The following CCDC38 variants were observed in gnomAD, a reference collection of about 807,000 sequenced individuals.
CCDC38 encodes coiled-coil domain containing 38.
In CCDC38, 69 loss-of-function variants were observed where a neutral mutation model predicts 72.8. That is an observed-to-expected ratio of 0.95 (90% confidence interval 0.78 to 1.16). The LOEUF (loss-of-function observed/expected upper bound fraction) is 1.16, where lower values mean the gene tolerates loss of function less well. Among genes scored for constraint, CCDC38 ranks in the 50% most tolerant of loss-of-function variants. The pLI is 0.00. For missense variants in CCDC38, 626 were observed against 638.9 expected, an observed-to-expected ratio of 0.98 and a Z score of 0.22; for synonymous variants, 201 against 213.2, an observed-to-expected ratio of 0.94 and a Z score of 0.50.
At chr12:95,869,298 T>C (rs752851992) in intron 15 of CCDC38, among the ~76,000 whole-genome samples, 182 bp downstream of exon 15, 2 of 152,156 alleles carry the variant, frequency 1.3e-5, no homozygotes, top group African/African-American at 2.4e-5. Flanking sequence ...AATTGAGAAC[T>C]GGAGAGCCAC....
At chr12:95,894,100 T>A (rs1407452767) in intron 8 of CCDC38, among the ~76,000 whole-genome samples, 1 of 152,084 alleles carries the variant, frequency 6.6e-6, no homozygotes. Flanking sequence ...GTGGCTGTAG[T>A]CCCAGCTACT....
At chr12:95,884,148 G>A (rs564548769) in intron 10 of CCDC38, among the ~76,000 whole-genome samples, 11 of 152,284 alleles carry the variant, frequency 7.2e-5, no homozygotes, top group African/African-American at 2.2e-4. Context: ...TAAAGCTGTC[G>A]CTATGTGCAA....
At chr12:95,906,643 A>G (rs2080004856) in intron 4 of CCDC38, among the ~76,000 whole-genome samples, 192 bp from the exon 5 acceptor site, 3 of 152,152 alleles carry the variant, frequency 2.0e-5, no homozygotes, top group Admixed American at 1.3e-4. Flanking sequence ...TTTTATGTCT[A>G]TCATATTCCA....
chr12:95,894,883 T>C, intron 8 of CCDC38, 106 bp downstream of exon 8: 5 of 954,834 alleles, frequency 5.2e-6, no homozygotes, highest in Non-Finnish European at 7.7e-6. Flanking sequence ...AAAATCTTAG[T>C]TTAGATCCTG....
At chr12:95,923,293 T>A (rs913031174) in intron 2 of CCDC38, among the ~76,000 whole-genome samples, 20 of 152,130 alleles carry the variant, frequency 1.3e-4, no homozygotes, top group African/African-American at 4.8e-4. Flanking sequence ...ATCTCCTTCT[T>A]ATTGGTTCTG....
At chr12:95,880,263 C>G (rs1162243750) in intron 11 of CCDC38, among the ~76,000 whole-genome samples, 1 of 152,104 alleles carries the variant, frequency 6.6e-6, no homozygotes, top group Non-Finnish European at 1.5e-5. Flanking sequence ...CCTCATTATT[C>G]ACGATAGCCA....
chr12:95,896,660 A>G (rs1251284480), intron 7 of CCDC38: 2 of 152,226 alleles, frequency 1.3e-5, no homozygotes, highest in African/African-American at 4.8e-5. Context: ...AATTGGCTGG[A>G]AAGATACAGT....
intron 1 of CCDC38, among the ~76,000 whole-genome samples, chr12:95,938,427 C>T (rs371120406): frequency 6.6e-6 from 1 of 152,198 alleles, no homozygotes. Flanking sequence ...ATTCACTCTC[C>T]TTCCCACTCT....
At chr12:95,873,951 A>C (rs1487420917) in intron 13 of CCDC38, among the ~76,000 whole-genome samples, 5 of 152,216 alleles carry the variant, frequency 3.3e-5, no homozygotes, top group Non-Finnish European at 7.3e-5. Flanking sequence ...TCCTATTTAC[A>C]TGAATGACAT....
At chr12:95,924,657 G>T (rs2080248614) in intron 2 of CCDC38, among the ~76,000 whole-genome samples, 1 of 151,166 alleles carries the variant, frequency 6.6e-6, no homozygotes, top group Admixed American at 6.6e-5. Context: ...TTCTTCTAGG[G>T]TTTTTATGGT....
chr12:95,876,408 T>A (rs2079635843), intron 13 of CCDC38, among the ~76,000 whole-genome samples: 1 of 152,178 alleles, frequency 6.6e-6, no homozygotes, highest in Non-Finnish European at 1.5e-5. Flanking sequence ...CCCGTACATT[T>A]AAAAATGGTT....
intron 10 of CCDC38, among the ~76,000 whole-genome samples, chr12:95,883,310 G>A (rs1263529769): frequency 6.6e-6 from 1 of 152,130 alleles, no homozygotes. Flanking sequence ...AAAACATACA[G>A]TGTCTCCCCA....
At chr12:95,891,073 C>A in intron 8 of CCDC38, 143 bp from the exon 9 acceptor site, 1 of 564,478 alleles carries the variant, frequency 1.8e-6, no homozygotes. Context: ...GAGACATTAT[C>A]AACCAGCAAA....
chr12:95,929,146 CA>C (rs1413328321), intron 2 of CCDC38, among the ~76,000 whole-genome samples: 2 of 152,226 alleles, frequency 1.3e-5, no homozygotes, highest in Admixed American at 1.3e-4. Flanking sequence ...GCCTCACTGC[CA>C]CCTTGCAGTT....
chr12:95,888,635 C>T (rs2079787104), intron 9 of CCDC38, 129 bp from the exon 10 acceptor site: 2 of 714,356 alleles, frequency 2.8e-6, no homozygotes, highest in Non-Finnish European at 4.9e-6. Flanking sequence ...ATGCCCATTA[C>T]TTCTTTCTTT....
At chr12:95,878,153 G>C (rs75929959) in intron 13 of CCDC38, 58 bp downstream of exon 13, 29,978 of 1,580,302 alleles carry the variant, frequency 0.019, 368 homozygotes, top group South Asian at 0.022. Flanking sequence ...AGGACACAGG[G>C]AATAAAAATT....
At chr12:95,920,958 A>G (rs1234667725) in intron 2 of CCDC38, among the ~76,000 whole-genome samples, 1 of 151,964 alleles carries the variant, frequency 6.6e-6, no homozygotes, top group African/African-American at 2.4e-5. Context: ...GAGAAACCCC[A>G]TCTCTACGAA....
At chr12:95,905,984 G>A (rs529930650) in intron 5 of CCDC38, among the ~76,000 whole-genome samples, 1 of 152,268 alleles carries the variant, frequency 6.6e-6, no homozygotes, top group South Asian at 2.1e-4. Context: ...CAGAGTGCTT[G>A]GATTCCCACC....
chr12:95,890,237 GCCA>G (rs906161915), intron 9 of CCDC38, among the ~76,000 whole-genome samples: 42 of 152,266 alleles, frequency 2.8e-4, no homozygotes, highest in African/African-American at 1.0e-3. Context: ...TTAAACATTG[GCCA>G]CCAAGCCAAA....
Sources: gnomAD v4.1 joint callset for allele counts (sites outside exome capture counted in the v4.1 genomes callset) on GRCh38, gnomAD v4.1.1 for gene constraint, MANE v1.5 for transcripts, NCBI Gene and HGNC (gene_info 2026-07-23, HGNC 2026-07-21) for gene names.